Variants in AGAP1 observed in about 807,000 individuals in gnomAD.
AGAP1 encodes the protein arf-GAP with GTPase, ANK repeat and PH domain-containing protein 1.
A neutral mutation model predicts 105.3 loss-of-function variants in AGAP1; 29 were observed. The observed-to-expected ratio is 0.28, with a 90% CI of 0.21 to 0.38. AGAP1 has a LOEUF of 0.38. Among genes scored for constraint, AGAP1 ranks in the 10% least tolerant of loss-of-function variants. The pLI, the probability that AGAP1 is intolerant of heterozygous loss-of-function variation, is 1.00. For synonymous variants in AGAP1, 509 were observed against 485.9 expected, an observed-to-expected ratio of 1.05 and a Z score of -0.63; for missense variants, 998 against 1,165.1, an observed-to-expected ratio of 0.86 and a Z score of 2.09.
At chr2:235,746,170 A>G (rs1952914773) in intron 5 of AGAP1, among the ~76,000 whole-genome samples, 1 of 151,832 alleles carries the variant, frequency 6.6e-6, no homozygotes, top group African/African-American at 2.4e-5. Flanking sequence ...CTGTAATCCC[A>G]GCTACTTGGG....
rs111802614 is a variant in AGAP1 at position 236,054,951 on chromosome 2, G to A, written c.2114+5670G>A. On this transcript the variant is annotated intron_variant, in intron 16 of 17. Coordinates refer to ENST00000304032, the MANE Select transcript of AGAP1 (RefSeq NM_001037131.3). ...CTGATAAATTAAAGGCCACCCCTGTGGTCTCTCAAGTGAGTAATAGAGGCA... is the reference window on the plus strand; with the variant it reads ...CTGATAAATTAAAGGCCACCCCTGTAGTCTCTCAAGTGAGTAATAGAGGCA... Among the ~76,000 whole-genome samples, 7 of 152,220 alleles carry A rather than the reference G, an allele frequency of 4.6e-5. 1 individual carries two copies. Among genetic ancestry groups the A allele is most frequent in the African/African-American group, 1.7e-4 (7 of 41,542 alleles).
intron 1 of AGAP1, among the ~76,000 whole-genome samples, chr2:235,589,821 TAGAG>T (rs35844164): frequency 2.0e-5 from 3 of 148,676 alleles, no homozygotes; most frequent in Non-Finnish European, 4.5e-5. Flanking sequence ...TCAGAGCATC[TAGAG>T]AGAGAGAGAG....
At chr2:235,563,880 C>T (rs1025070944) in intron 1 of AGAP1, among the ~76,000 whole-genome samples, 1 of 152,054 alleles carries the variant, frequency 6.6e-6, no homozygotes, top group African/African-American at 2.4e-5. Flanking sequence ...CAAATGGGGA[C>T]ATTGTGGCTC....
intron 1 of AGAP1, among the ~76,000 whole-genome samples, chr2:235,626,184 C>G (rs1946630133): frequency 6.8e-6 from 1 of 148,132 alleles, no homozygotes; most frequent in South Asian, 2.1e-4. Flanking sequence ...CCCATCTCTA[C>G]TAAAAATACA....
intron 1 of AGAP1, among the ~76,000 whole-genome samples, chr2:235,581,013 G>C (rs1057461042): frequency 2.0e-5 from 3 of 151,850 alleles, no homozygotes; most frequent in African/African-American, 7.3e-5. Flanking sequence ...GTAATCCCGT[G>C]AGGTGTGGAG....
At chr2:235,898,054 C>T (rs930881294) in intron 10 of AGAP1, among the ~76,000 whole-genome samples, 3 of 152,176 alleles carry the variant, frequency 2.0e-5, no homozygotes, top group African/African-American at 4.8e-5. Flanking sequence ...TCTGCCGCAT[C>T]GGCTATTTGC....
intron 1 of AGAP1, among the ~76,000 whole-genome samples, chr2:235,706,150 G>C (rs1402404378): frequency 6.6e-6 from 1 of 152,200 alleles, no homozygotes; most frequent in African/African-American, 2.4e-5. Context: ...CACCTGTTAA[G>C]TTGGAAATTT....
intron 6 of AGAP1, among the ~76,000 whole-genome samples, chr2:235,776,448 C>T (rs1452395208): frequency 6.6e-6 from 1 of 152,200 alleles, no homozygotes; most frequent in Non-Finnish European, 1.5e-5. Flanking sequence ...TGACAGAGCT[C>T]AGATAGGATT....
In AGAP1 at chr2:235,701,333, C is replaced by T. The variant is rs544141893; in HGVS notation, c.164-7846C>T. The stretch of plus-strand genomic sequence containing the variant: ...GACGTTGTTGTGACAGATTCTAAGT[C>T]GCCTCAGGGCTCAGGGGAAAGAGCC... On this transcript the variant is annotated intron_variant, in intron 1 of 17. Transcript: ENST00000304032. The surrounding 1 kb of genome is among the most constrained non-coding windows in gnomAD (Gnocchi z 4.1). Among the ~76,000 whole-genome samples, 1 of 152,034 alleles carries T rather than the reference C, an allele frequency of 6.6e-6. No homozygotes were observed. The highest frequency in any genetic ancestry group is 1.9e-4 in the East Asian group (1 of 5,170).
intron 1 of AGAP1, chr2:235,505,774 G>C (rs916583658): frequency 6.6e-6 from 1 of 152,068 alleles, no homozygotes; most frequent in South Asian, 2.1e-4. Flanking sequence ...ATCCAGAACA[G>C]AGTCACTTCA....
intron 1 of AGAP1, among the ~76,000 whole-genome samples, chr2:235,501,011 G>A (rs576591659): frequency 1.3e-5 from 2 of 152,154 alleles, no homozygotes; most frequent in Non-Finnish European, 2.9e-5. Flanking sequence ...TCAATACCCT[G>A]TATGGCCTGC....
At position 235,919,094 on chromosome 2, in the gene AGAP1, C is replaced by T. The variant is rs769006551; in HGVS notation, c.1324+10188C>T. On this transcript the variant is annotated intron_variant, in intron 11 of 17. Transcript: ENST00000304032. This position sits in a 1 kb window ranked among gnomAD's most constrained non-coding sequence, Gnocchi z 4.1. ...GCTGAACTGATGCTTCCGAGACCAG[C>T]GAAGTGGTCTGCAGGGTCAGCTGTG... Among the ~76,000 whole-genome samples the T allele has an allele frequency of 6.6e-6, 1 of 152,092 alleles. No individual in the cohort carries two copies. Among genetic ancestry groups the T allele is most frequent in the Non-Finnish European group, 1.5e-5 (1 of 68,022 alleles).
At chr2:235,735,179 T>C (rs989786701) in intron 3 of AGAP1, among the ~76,000 whole-genome samples, 1 of 152,252 alleles carries the variant, frequency 6.6e-6, no homozygotes, top group African/African-American at 2.4e-5. Context: ...GAAGGCACAC[T>C]GTCGTTGCCA....
chr2:235,990,384 C>T (rs926581418), intron 13 of AGAP1, among the ~76,000 whole-genome samples: 10 of 152,212 alleles, frequency 6.6e-5, no homozygotes, highest in Non-Finnish European at 4.4e-5. Context: ...CTAGGAAGGC[C>T]TGTGTCTGCC....
chr2:235,880,052 A>G (rs1420761874), intron 9 of AGAP1, among the ~76,000 whole-genome samples: 1 of 150,946 alleles, frequency 6.6e-6, no homozygotes, highest in African/African-American at 2.4e-5. Context: ...CAAGGCCACA[A>G]GGAGCTATGA....
In AGAP1 at chr2:235,900,153, C is replaced by T. The variant is rs1166478919; in HGVS notation, c.1156-8585C>T. Among the ~76,000 whole-genome samples, 2 of 152,160 alleles carry T rather than the reference C, an allele frequency of 1.3e-5. No homozygotes were observed. The highest frequency in any genetic ancestry group is 1.5e-5 in the Non-Finnish European group (1 of 68,014). On this transcript the variant is annotated intron_variant, in intron 10 of 17. Transcript: ENST00000304032. The surrounding 1 kb of genome is among the most constrained non-coding windows in gnomAD (Gnocchi z 5.5). ...CCCAACAAGGCCTCACCAGCCTTCT[C>T]GTTTACCACGTGTAGCATAATGACC...
Position 236,082,436 on chromosome 2 carries a change from G to C in AGAP1, c.2114+33155G>C, listed in dbSNP as rs756969492. On this transcript the variant is annotated intron_variant, in intron 16 of 17. Coordinates refer to ENST00000304032, the MANE Select transcript of AGAP1 (RefSeq NM_001037131.3). The surrounding 1 kb of genome is among the most constrained non-coding windows in gnomAD (Gnocchi z 4.2). Reference sequence around the variant, plus strand: ...AGCTCACCCACCAGGTCCTGCTACGGGGCCGCTGCCCATTTGATCTCTCAG... The same window carrying C: ...AGCTCACCCACCAGGTCCTGCTACGCGGCCGCTGCCCATTTGATCTCTCAG... Among the ~76,000 whole-genome samples the C allele has an allele frequency of 9.9e-5, 15 of 152,168 alleles. No individual in the cohort carries two copies. Among genetic ancestry groups the C allele is most frequent in the Non-Finnish European group, 1.6e-4 (11 of 68,036 alleles).
Position 235,596,190 on chromosome 2 carries a change from C to T in AGAP1, c.163+101341C>T, listed in dbSNP as rs915173755. Among the ~76,000 whole-genome samples the T allele has an allele frequency of 6.6e-6, 1 of 152,238 alleles. No homozygotes were observed. Among genetic ancestry groups the T allele is most frequent in the Non-Finnish European group, 1.5e-5 (1 of 68,042 alleles). On this transcript the variant is annotated intron_variant, in intron 1 of 17. Coordinates refer to ENST00000304032, the MANE Select transcript of AGAP1 (RefSeq NM_001037131.3). The surrounding 1 kb of genome is among the most constrained non-coding windows in gnomAD (Gnocchi z 5.9). The stretch of plus-strand genomic sequence containing the variant: ...CACAGCTATCCATGAACACTGTAAA[C>T]ATTCCCAGCTCCATCTAAGGTGATT...
chr2:235,531,775 A>AT (rs1247674288), intron 1 of AGAP1, among the ~76,000 whole-genome samples: 2 of 151,722 alleles, frequency 1.3e-5, no homozygotes, highest in Non-Finnish European at 2.9e-5. Flanking sequence ...CGCCCAGCTA[A>AT]TTTTTTTGTA....
Sources: allele counts gnomAD v4.1 joint callset (sites outside exome capture counted in the v4.1 genomes callset), GRCh38; gene constraint gnomAD v4.1.1; non-coding constraint Gnocchi (gnomAD v3.1); transcripts MANE v1.5; gene names NCBI Gene and HGNC (gene_info 2026-07-23, HGNC 2026-07-21).